The following MGAT4C variants were observed in gnomAD, a reference collection of about 807,000 sequenced individuals.
MGAT4C encodes the protein alpha-1,3-mannosyl-glycoprotein 4-beta-N-acetylglucosaminyltransferase C.
MGAT4C carries 19 observed loss-of-function variants against 40.1 expected under a neutral mutation model. That is an observed-to-expected ratio of 0.47 (90% CI 0.33 to 0.70). The LOEUF (loss-of-function observed/expected upper bound fraction) is 0.70, where lower values mean the gene tolerates loss of function less well. MGAT4C is among the 30% of genes least tolerant of loss of function. The pLI, the probability that MGAT4C is intolerant of heterozygous loss-of-function variation, is 0.02. For missense variants in MGAT4C, 491 were observed against 563.2 expected (o/e 0.87, Z 1.30); for synonymous variants, 181 against 187.1 (o/e 0.97, Z 0.27).
intron 1 of MGAT4C, among the ~76,000 whole-genome samples, chr12:86,170,984 A>G (rs940132420): frequency 1.3e-5 from 2 of 152,154 alleles, no homozygotes; most frequent in African/African-American, 4.8e-5. Flanking sequence ...GAATACCCGG[A>G]CATTCTGTTC....
At chr12:86,701,446 G>T (rs974891064) in intron 2 of MGAT4C, among the ~76,000 whole-genome samples, 1 of 151,958 alleles carries the variant, frequency 6.6e-6, no homozygotes, top group East Asian at 1.9e-4. Context: ...ATCGTTTTAG[G>T]GTGACATGAG....
At chr12:86,763,051 A>G (rs1238671537) in intron 1 of MGAT4C, among the ~76,000 whole-genome samples, 2 of 152,208 alleles carry the variant, frequency 1.3e-5, no homozygotes, top group Non-Finnish European at 2.9e-5. Context: ...ATCTAACACA[A>G]TAAGCATATC....
chr12:86,427,634 T>A (rs1030474806), intron 3 of MGAT4C, among the ~76,000 whole-genome samples: 6 of 152,158 alleles, frequency 3.9e-5, no homozygotes, highest in African/African-American at 1.4e-4. Context: ...GAAACTCCAT[T>A]CCATTTATAC....
At chr12:86,341,634 G>T (rs1954906768) in intron 3 of MGAT4C, among the ~76,000 whole-genome samples, 1 of 152,198 alleles carries the variant, frequency 6.6e-6, no homozygotes, top group African/African-American at 2.4e-5. Context: ...GGAGGGTCAG[G>T]CTCCCATCTT....
chr12:86,154,844 C>T (rs141076601), intron 1 of MGAT4C, among the ~76,000 whole-genome samples: 1 of 152,124 alleles, frequency 6.6e-6, no homozygotes, highest in South Asian at 2.1e-4. Context: ...CGTGCCTGAT[C>T]CTGTTCCAGA....
At chr12:86,769,108 C>T (rs1431664413) in intron 1 of MGAT4C, among the ~76,000 whole-genome samples, 2 of 152,148 alleles carry the variant, frequency 1.3e-5, no homozygotes, top group Non-Finnish European at 2.9e-5. Flanking sequence ...AACATTTCTG[C>T]AACCTACCTA....
intron 1 of MGAT4C, among the ~76,000 whole-genome samples, chr12:86,051,058 C>A (rs1172275449): frequency 6.6e-6 from 1 of 151,818 alleles, no homozygotes; most frequent in Non-Finnish European, 1.5e-5. Flanking sequence ...TATTTGGTCA[C>A]AGCAAGGTGT....
chr12:86,284,969 T>C (rs755522707), intron 4 of MGAT4C, among the ~76,000 whole-genome samples: 1 of 152,052 alleles, frequency 6.6e-6, no homozygotes, highest in African/African-American at 2.4e-5. Flanking sequence ...GTCTAAACAT[T>C]AGACAAAATT....
At chr12:86,069,712 T>C (rs1894888853) in intron 1 of MGAT4C, among the ~76,000 whole-genome samples, 1 of 152,122 alleles carries the variant, frequency 6.6e-6, no homozygotes, top group Non-Finnish European at 1.5e-5. Context: ...TCCATAACAA[T>C]GGCTCACTAA....
chr12:86,043,631 G>T (rs1282471358), intron 2 of MGAT4C, among the ~76,000 whole-genome samples: 1 of 152,106 alleles, frequency 6.6e-6, no homozygotes, highest in African/African-American at 2.4e-5. Context: ...CACCCTCACA[G>T]ACACACACAG....
chr12:86,401,127 T>C (rs1444992505), intron 3 of MGAT4C, among the ~76,000 whole-genome samples: 2 of 152,096 alleles, frequency 1.3e-5, no homozygotes, highest in South Asian at 2.1e-4. Context: ...AGTGTTTACA[T>C]AGGTAACTTA....
At chr12:86,476,909 T>C (rs1391912959) in intron 2 of MGAT4C, among the ~76,000 whole-genome samples, 1 of 151,956 alleles carries the variant, frequency 6.6e-6, no homozygotes, top group East Asian at 1.9e-4. Context: ...GTTAGCAGTA[T>C]AGACTGGGGG....
intron 4 of MGAT4C, among the ~76,000 whole-genome samples, chr12:86,331,690 G>A (rs974463591): frequency 5.9e-5 from 9 of 152,164 alleles, no homozygotes; most frequent in African/African-American, 1.9e-4. Context: ...ATTCCTGGTG[G>A]TTGGTAGGGA....
intron 3 of MGAT4C, among the ~76,000 whole-genome samples, chr12:86,382,647 T>C (rs908263247): frequency 6.6e-6 from 1 of 152,074 alleles, no homozygotes; most frequent in Non-Finnish European, 1.5e-5. Flanking sequence ...AGGAAAAATA[T>C]GGTTTCATGG....
At chr12:86,774,329 T>TTCTTTCTTTCTTTCTTTC (rs1174701855) in intron 1 of MGAT4C, among the ~76,000 whole-genome samples, 1 of 106,258 alleles carries the variant, frequency 9.4e-6, no homozygotes, top group Non-Finnish European at 1.9e-5. Flanking sequence ...CTTTCTTTCT[T>TTCTTTCTTTCTTTCTTTC]TCTTTCTTTC....
intron 2 of MGAT4C, among the ~76,000 whole-genome samples, chr12:86,021,471 A>C (rs1298971640): frequency 6.6e-6 from 1 of 151,602 alleles, no homozygotes; most frequent in African/African-American, 2.4e-5. Context: ...CATCATTCTC[A>C]GCAAACTATT....
intron 2 of MGAT4C, among the ~76,000 whole-genome samples, chr12:86,545,553 T>C (rs766475825): frequency 1.3e-5 from 2 of 151,892 alleles, no homozygotes; most frequent in Non-Finnish European, 2.9e-5. Flanking sequence ...AAAATCCTCT[T>C]GTATAAACAG....
At chr12:86,069,517 A>G (rs764752521) in intron 1 of MGAT4C, among the ~76,000 whole-genome samples, 4 of 152,196 alleles carry the variant, frequency 2.6e-5, no homozygotes, top group Non-Finnish European at 4.4e-5. Context: ...GTATGGCACT[A>G]AGGTGGAAGT....
intron 2 of MGAT4C, among the ~76,000 whole-genome samples, chr12:86,458,265 T>C (rs1001364997): frequency 3.9e-5 from 6 of 152,194 alleles, no homozygotes; most frequent in African/African-American, 1.4e-4. Context: ...TTGTTCTACA[T>C]CTCCATCAAG....
Sources: gnomAD v4.1 joint callset for allele counts (sites outside exome capture counted in the v4.1 genomes callset) on GRCh38, gnomAD v4.1.1 for gene constraint, MANE v1.5 for transcripts, NCBI Gene and HGNC (gene_info 2026-07-23, HGNC 2026-07-21) for gene names.